ATP11C: variants seen among roughly 807,000 people sequenced by gnomAD.
ATP11C encodes the protein ATPase phospholipid transporting 11C (ATP11C blood group), also known as phospholipid-transporting ATPase IG.
ATP11C carries 36 observed loss-of-function variants against 97.4 expected under a neutral mutation model. That is an observed-to-expected ratio of 0.37 (90% confidence interval 0.28 to 0.49). The LOEUF is 0.49. Ranked by LOEUF, ATP11C falls within the 20% of genes least tolerant of loss-of-function variation. The pLI, the probability that ATP11C is intolerant of heterozygous loss-of-function variation, is 0.98. For synonymous variants in ATP11C, 275 were observed against 290.9 expected, an observed-to-expected ratio of 0.95 and a Z score of 0.56; for missense variants, 730 against 824.6, an observed-to-expected ratio of 0.89 and a Z score of 1.40.
intron 22 of ATP11C, among the ~76,000 whole-genome samples, chrX:139,759,204 C>T (rs1569439003): frequency 9.0e-6 from 1 of 111,709 alleles, no homozygotes; most frequent in East Asian, 2.8e-4. Context: ...GTATCTACCT[C>T]ACCCACCAGA....
chrX:139,759,510 T>C (rs760704654), intron 22 of ATP11C, among the ~76,000 whole-genome samples: 8 of 111,215 alleles, frequency 7.2e-5, no homozygotes, highest in African/African-American at 2.0e-4. Context: ...AAGGGACAAG[T>C]TGAAAAGTGG....
At chrX:139,792,125 C>T (rs780934324) in intron 12 of ATP11C, among the ~76,000 whole-genome samples, 2 of 110,376 alleles carry the variant, frequency 1.8e-5, no homozygotes, top group Admixed American at 9.7e-5. Flanking sequence ...GAAAGAGGGG[C>T]TGAAGGTTAA....
chrX:139,818,208 C>T (rs184945631), intron 3 of ATP11C, among the ~76,000 whole-genome samples: 1 of 112,061 alleles, frequency 8.9e-6, no homozygotes, highest in East Asian at 2.8e-4. Context: ...ACACTGTATA[C>T]CCAAAGCATT....
At chrX:139,909,198 C>A (rs1465330863) in intron 1 of ATP11C, among the ~76,000 whole-genome samples, 5 of 111,252 alleles carry the variant, frequency 4.5e-5, no homozygotes, top group African/African-American at 1.6e-4. Context: ...GTGGCGCGAT[C>A]TTGGCTCACT....
At chrX:139,742,876 AATATATATATATAT>A (rs869303916) in intron 26 of ATP11C, among the ~76,000 whole-genome samples, 4,808 of 26,103 alleles carry the variant, frequency 0.18, 146 homozygotes, top group Non-Finnish European at 0.22. Flanking sequence ...AAAAAAAAAA[AATATATATATATAT>A]ATATATATAT....
intron 1 of ATP11C, among the ~76,000 whole-genome samples, chrX:139,870,145 G>A (rs1033912107): frequency 9.0e-6 from 1 of 111,526 alleles, no homozygotes; most frequent in Non-Finnish European, 1.9e-5. Flanking sequence ...GTGGTTTCAT[G>A]GGTGTATGCA....
Position 139,768,322 on chromosome X carries a change from G to C in ATP11C, c.2329C>G (p.Gln777Glu), listed in dbSNP as rs2082179279. 1 of 1,190,338 alleles carries C rather than the reference G, an allele frequency of 8.4e-7. No homozygotes were observed. Among genetic ancestry groups the C allele is most frequent in the South Asian group, 1.9e-5 (1 of 51,302 alleles). The stretch of plus-strand genomic sequence containing the variant: ...ACTGCAGTACACTTCATACATATTT[G>C]TAGGAAAATGCTTTTGTAATTGTTT... ...SSNNYKSIFL[Q>E]ICMKCTAVLC... The change falls in exon 20 of 30, where the codon CAA becomes GAA. Residue 777 changes from glutamine (Q) to glutamate (E), a missense_variant. Physicochemically the swap from Gln to Glu is conservative, Grantham distance 29 (BLOSUM62 2). Transcript: ENST00000682941.
At chrX:139,910,909 C>T (rs963433432) in intron 1 of ATP11C, among the ~76,000 whole-genome samples, 1 of 111,487 alleles carries the variant, frequency 9.0e-6, no homozygotes, top group Non-Finnish European at 1.9e-5. Flanking sequence ...CTTCAGGTCA[C>T]AGTGTCAAAG....
At chrX:139,788,095 T>C (rs2082614287) in intron 14 of ATP11C, 97 bp downstream of exon 14, 1 of 775,200 alleles carries the variant, frequency 1.3e-6, no homozygotes, top group East Asian at 3.4e-5. Context: ...AGGAGATGTA[T>C]GTGCTAAGGT....
chrX:139,808,117 AACTAGTGG>A (rs1482440753), intron 5 of ATP11C, among the ~76,000 whole-genome samples: 2 of 111,774 alleles, frequency 1.8e-5, no homozygotes, highest in Non-Finnish European at 3.8e-5. Context: ...GATTTCCTTC[AACTAGTGG>A]ACTGGGTACA....
intron 28 of ATP11C, among the ~76,000 whole-genome samples, chrX:139,734,032 T>C (rs1465088208): frequency 9.0e-6 from 1 of 110,750 alleles, no homozygotes; most frequent in Non-Finnish European, 1.9e-5. Flanking sequence ...TTTGCAGTCA[T>C]CTAGAGAGCT....
chrX:139,729,850 C>T (rs2081306629), intron 29 of ATP11C, among the ~76,000 whole-genome samples: 1 of 112,048 alleles, frequency 8.9e-6, no homozygotes, highest in Non-Finnish European at 1.9e-5. Context: ...TTCTGGGACA[C>T]CTCCTTTGCC....
At chrX:139,918,696 AG>A (rs1403720870) in intron 1 of ATP11C, among the ~76,000 whole-genome samples, 36 of 93,051 alleles carry the variant, frequency 3.9e-4, no homozygotes, top group Admixed American at 6.0e-4. Flanking sequence ...AAAAAAAAAA[AG>A]GGAAGAAAAT....
intron 1 of ATP11C, among the ~76,000 whole-genome samples, chrX:139,914,091 AT>A: frequency 8.9e-6 from 1 of 112,043 alleles, no homozygotes; most frequent in Non-Finnish European, 1.9e-5. Context: ...AATAACTTAG[AT>A]ATATATCATC....
intron 1 of ATP11C, chrX:139,909,910 G>A (rs929032306): frequency 3.6e-5 from 4 of 111,514 alleles, no homozygotes; most frequent in African/African-American, 9.8e-5. Context: ...AGTGGGAAAG[G>A]TTACTAAAAG....
At chrX:139,799,579 C>T (rs2082874198) in intron 8 of ATP11C, among the ~76,000 whole-genome samples, 1 of 108,293 alleles carries the variant, frequency 9.2e-6, no homozygotes, top group Non-Finnish European at 1.9e-5. Context: ...CTCCCCACAA[C>T]ACAGAGACCC....
intron 1 of ATP11C, among the ~76,000 whole-genome samples, chrX:139,833,564 C>G (rs1032539189): frequency 1.8e-5 from 2 of 110,214 alleles, no homozygotes; most frequent in Non-Finnish European, 3.8e-5. Context: ...CTGGCACACA[C>G]CTGTAGTCCT....
chrX:139,781,069 T>C (rs2082445722), intron 18 of ATP11C, among the ~76,000 whole-genome samples: 1 of 110,934 alleles, frequency 9.0e-6, no homozygotes, highest in African/African-American at 3.3e-5. Context: ...ACTACCTGAA[T>C]GTATAACCCC....
chrX:139,794,720 T>C (rs184572223), intron 12 of ATP11C, among the ~76,000 whole-genome samples: 597 of 112,247 alleles, frequency 5.3e-3, no homozygotes, highest in Non-Finnish European at 7.8e-3. Flanking sequence ...TGGAATCTGC[T>C]GAAATGAAGA....
Sources: allele counts gnomAD v4.1 joint callset (sites outside exome capture counted in the v4.1 genomes callset), GRCh38; gene constraint gnomAD v4.1.1; transcripts MANE v1.5; gene names NCBI Gene and HGNC (gene_info 2026-07-23, HGNC 2026-07-21).